Variants in CCDC34 observed in about 807,000 individuals in gnomAD.
CCDC34 encodes coiled-coil domain containing 34, also known as coiled-coil domain-containing protein 34.
In CCDC34, 40 loss-of-function variants were observed where a neutral mutation model predicts 44.1. That is an observed-to-expected ratio of 0.91 (90% CI 0.70 to 1.18). The LOEUF (loss-of-function observed/expected upper bound fraction) is 1.18. Ranked by LOEUF, CCDC34 falls within the 50% of genes most tolerant of loss-of-function variation. CCDC34 has a pLI of 0.00. For missense variants in CCDC34, 466 were observed against 452.3 expected, an observed-to-expected ratio of 1.03 and a Z score of -0.28; for synonymous variants, 159 against 158.2, an observed-to-expected ratio of 1.01 and a Z score of -0.04.
chr11:27,363,157 G>A lies in CCDC34; in HGVS notation c.38C>T (p.Ser13Phe), dbSNP rs746995667. The part of the protein sequence containing the change: ...AAGRWGPTFP[S>F]SYAGFSADCR... ...GTCAGCAGAGAAACCGGCGTAGGAA[G>A]AGGGAAAAGTAGGCCCCCAGCGCCC... Residue 13 changes from serine to phenylalanine, a missense_variant, in exon 1 of 6, where the codon TCT (serine) becomes TTT (phenylalanine). Transcript: ENST00000328697. The A allele has an allele frequency of 4.0e-6, 6 of 1,513,586 alleles. 1 individual carries two copies. The allele number at this position is 1,513,586 out of a possible 1,614,324, so 93.8% of individuals were successfully genotyped here.
chr11:27,351,354 G>A (rs1044296024), intron 2 of CCDC34, among the ~76,000 whole-genome samples: 3 of 152,142 alleles, frequency 2.0e-5, no homozygotes, highest in Admixed American at 6.5e-5. Context: ...TAATTCCAGT[G>A]TCTTAAATGA....
chr11:27,343,164 G>C (rs1278788641), intron 3 of CCDC34, among the ~76,000 whole-genome samples: 1 of 152,114 alleles, frequency 6.6e-6, no homozygotes, highest in East Asian at 1.9e-4. Context: ...ACTTTGCGGG[G>C]CCAAGGCAGG....
Position 27,338,783 on chromosome 11 carries a change from A to G in CCDC34, c.*38T>C, listed in dbSNP as rs775019467. 6.3e-5 allele frequency: 95 copies of G among 1,516,354 alleles called. No individual in the cohort carries two copies. The highest frequency in any genetic ancestry group is 8.4e-5 in the Non-Finnish European group (92 of 1,100,148). The allele number at this position is 1,516,354 out of a possible 1,614,324, so 93.9% of individuals were successfully genotyped here. ...AAAACAATTTCTGATTTTTAAATTA[A>G]ATAGCTCCAGATAAAAGCATGTTAT... On this transcript the variant is annotated 3_prime_UTR_variant, in exon 6 of 6. Transcript: ENST00000328697.
chr11:27,350,438 T>G lies in CCDC34; in HGVS notation c.500A>C (p.Glu167Ala), dbSNP rs766395096. The G allele has an allele frequency of 1.3e-6, 2 of 1,594,202 alleles. No individual in the cohort carries two copies. Among genetic ancestry groups the G allele is most frequent in the Admixed American group, 3.5e-5 (2 of 57,090 alleles). Residue 167 changes from glutamate to alanine, a missense_variant and splice_region_variant, in exon 3 of 6, where the codon GAA becomes GCA. Glu to Ala is a moderately radical substitution (Grantham distance 107). Coordinates refer to ENST00000328697, the MANE Select transcript of CCDC34 (RefSeq NM_030771.2). ...TCTTTTTTCTAGTTGTTGATTTAAT[T>G]CCTGTGGATTTTATTTAGACAAAAG... ...RDRLQLKALE[E>A]LNQQLEKRKE... is the part of the protein sequence containing the mutation.
Position 27,350,224 on chromosome 11 carries a change from GAAA to G in CCDC34, c.606+105_606+107del, listed in dbSNP as rs1862487541. 8.8e-6 allele frequency: 14 copies of G among 1,590,576 alleles called. No individual in the cohort carries two copies. In the East Asian group the frequency reaches 3.1e-4, roughly 36 times the overall value. On this transcript the variant is annotated intron_variant, in intron 3 of 5. Transcript: ENST00000328697. Reference sequence around the variant, plus strand: ...TAGAAAAACAAAACAAGCCAAAGAAGAAAGACTCTAAGAGAAGTATTTTTTAAA... The same window carrying G: ...TAGAAAAACAAAACAAGCCAAAGAAGGACTCTAAGAGAAGTATTTTTTAAA...
At chr11:27,355,030 C>T (rs950218219) in intron 2 of CCDC34, among the ~76,000 whole-genome samples, 4 of 152,080 alleles carry the variant, frequency 2.6e-5, no homozygotes, top group Non-Finnish European at 5.9e-5. Context: ...GTGTGACTAC[C>T]AAGCCCGGGC....
chr11:27,343,067 A>C (rs1436224084), intron 3 of CCDC34, among the ~76,000 whole-genome samples: 1 of 152,188 alleles, frequency 6.6e-6, no homozygotes, highest in East Asian at 1.9e-4. Flanking sequence ...AGTTATAGAC[A>C]AGATATGTCC....
chr11:27,354,016 T>C (rs557009999), intron 2 of CCDC34, among the ~76,000 whole-genome samples: 147 of 152,200 alleles, frequency 9.7e-4, no homozygotes, highest in Non-Finnish European at 1.8e-3. Context: ...AAATTAGGGA[T>C]ACAGTAAATA....
At chr11:27,359,918 T>C (rs10742176) in intron 1 of CCDC34, among the ~76,000 whole-genome samples, 150,434 of 152,306 alleles carry the variant, frequency 0.99, 74,322 homozygotes, top group East Asian at 1. Flanking sequence ...CTGCCACAGG[T>C]CATGAGTTCC....
At chr11:27,350,308 G>A (rs765122060) in intron 3 of CCDC34, 24 bp downstream of exon 3, 3 of 1,613,902 alleles carry the variant, frequency 1.9e-6, no homozygotes, top group Admixed American at 3.3e-5. Context: ...ATGTCAATGT[G>A]TGTATCCATT....
intron 1 of CCDC34, among the ~76,000 whole-genome samples, chr11:27,357,778 C>T (rs1012465640): frequency 5.9e-5 from 9 of 152,160 alleles, no homozygotes; most frequent in East Asian, 1.9e-4. Flanking sequence ...TCTAAAACCA[C>T]GTTATTTAAA....
intron 3 of CCDC34, among the ~76,000 whole-genome samples, chr11:27,343,401 C>CAA (rs34004808): frequency 1.7e-3 from 189 of 110,676 alleles, no homozygotes; most frequent in East Asian, 8.5e-3. Context: ...GACTCCGTCT[C>CAA]AAAAAAAAAA....
intron 3 of CCDC34, among the ~76,000 whole-genome samples, chr11:27,341,753 T>C (rs1280115518): frequency 6.6e-6 from 1 of 152,190 alleles, no homozygotes; most frequent in African/African-American, 2.4e-5. Context: ...TGCTGGGCTA[T>C]AAGTTTCATG....
rs753079611 is a variant in CCDC34, at chr11:27,362,907, C to T, written c.288G>A (p.Val96=). ...CCTCTGAATCATGGGCATCTTCATC[C>T]ACGTCTTCCTCATCATCCACGTCTT... ...DEEDVDDEED[V]DEDAHDSEAK... Residue 96 remains valine (V), a synonymous_variant, in exon 1 of 6, where the codon GTG becomes GTA. Coordinates refer to ENST00000328697, the MANE Select transcript of CCDC34 (RefSeq NM_030771.2). 6.3e-7 allele frequency: 1 copy of T among 1,592,060 alleles called. No individual in the cohort carries two copies. The highest frequency in any genetic ancestry group is 8.5e-7 in the Non-Finnish European group (1 of 1,175,064).
rs750213349 is a variant in CCDC34 at position 27,363,199 on chromosome 11, C to A, written c.-5G>T. 3 of 1,469,306 alleles carry A rather than the reference C, an allele frequency of 2.0e-6. No homozygotes were observed. The highest frequency in any genetic ancestry group is 2.7e-6 in the Non-Finnish European group (3 of 1,118,396). 91.0% of individuals were successfully genotyped at this position (1,469,306 alleles called of 1,614,324 possible). A position where few individuals can be genotyped will look rare whatever the true frequency, so the allele number is the denominator to read the frequency against. On this transcript the variant is annotated 5_prime_UTR_variant, in exon 1 of 6. Transcript: ENST00000328697. ...CCAGCGCCCCGCCGCCCACATCTGG[C>A]CCGCCAAGTTCAAACTGGCGGAGCC...
In CCDC34 at chr11:27,346,212, A is replaced by G. The variant is rs377526278; in HGVS notation, c.606+4120T>C. 8.5e-5 allele frequency among the ~76,000 whole-genome samples: 13 copies of G among 152,278 alleles called. No individual in the cohort carries two copies. The South Asian group carries it at 2.7e-3, about 32-fold the overall frequency. On this transcript the variant is annotated intron_variant, in intron 3 of 5. Coordinates refer to ENST00000328697, the MANE Select transcript of CCDC34 (RefSeq NM_030771.2). Reference sequence around the variant, plus strand: ...GGATTTCATGACCAGCCTGGCCAACATGGTGAAACCCCATCTCTACTAAAA... The same window carrying G: ...GGATTTCATGACCAGCCTGGCCAACGTGGTGAAACCCCATCTCTACTAAAA...
Position 27,362,932 on chromosome 11 carries a change from T to C in CCDC34, c.263A>G (p.Glu88Gly), listed in dbSNP as rs778090193. ...DEDDGDGEDE[E>G]DVDDEEDVDE... ...CACGTCTTCCTCATCATCCACGTCT[T>C]CCTCATCCTCCCCGTCACCGTCGTC... The change falls in exon 1 of 6, where the codon GAA (glutamate) becomes GGA (glycine). Residue 88 changes from glutamate to glycine, a missense_variant. Glu to Gly is a moderately conservative substitution (Grantham distance 98, BLOSUM62 -2). Coordinates refer to ENST00000328697, the MANE Select transcript of CCDC34 (RefSeq NM_030771.2). 12 of 1,608,896 alleles carry C rather than the reference T, an allele frequency of 7.5e-6. No homozygotes were observed. In the South Asian group the frequency reaches 1.3e-4, roughly 18 times the overall value.
At chr11:27,358,156 C>G (rs1862606215) in intron 1 of CCDC34, among the ~76,000 whole-genome samples, 1 of 152,232 alleles carries the variant, frequency 6.6e-6, no homozygotes, top group African/African-American at 2.4e-5. Context: ...GTGTATGACT[C>G]TCTAGTCTGG....
chr11:27,355,985 A>G (rs1275033382), intron 2 of CCDC34, among the ~76,000 whole-genome samples: 2 of 147,506 alleles, frequency 1.4e-5, no homozygotes, highest in African/African-American at 5.0e-5. Flanking sequence ...TCTAAGGAAG[A>G]TCATGAAGCT....
Sources: allele counts gnomAD v4.1 joint callset (sites outside exome capture counted in the v4.1 genomes callset), GRCh38; gene constraint gnomAD v4.1.1; transcripts MANE v1.5; gene names NCBI Gene and HGNC (gene_info 2026-07-23, HGNC 2026-07-21).